PPP2R5C: variants seen among roughly 807,000 people sequenced by gnomAD.
The protein encoded by PPP2R5C is serine/threonine-protein phosphatase 2A 56 kDa regulatory subunit gamma isoform.
In PPP2R5C, 7 loss-of-function variants were observed where a neutral mutation model predicts 68.9. The ratio of observed to expected loss-of-function variants is 0.10; its 90% CI spans 0.06 to 0.19. PPP2R5C has a LOEUF of 0.19. Among genes scored for constraint, PPP2R5C ranks in the 10% least tolerant of loss-of-function variants. The pLI, the probability that PPP2R5C is intolerant of heterozygous loss-of-function variation, is 1.00. For synonymous variants in PPP2R5C, 210 were observed against 222.2 expected, an observed-to-expected ratio of 0.95 and a Z score of 0.49; for missense variants, 348 against 641.3, an observed-to-expected ratio of 0.54 and a Z score of 4.94.
chr14:101,909,460 C>G, intron 10 of PPP2R5C, 129 bp from the exon 13 acceptor site: 1 of 550,944 alleles, frequency 1.8e-6, no homozygotes, highest in Non-Finnish European at 3.3e-6. Flanking sequence ...ATGAGCAGGC[C>G]TTGCATTTTA....
Position 101,823,871 on chromosome 14 carries a change from G to A in PPP2R5C, c.94+13835G>A, listed in dbSNP as rs1469688319. On this transcript the variant is annotated intron_variant, in intron 1 of 13. Transcript: ENST00000334743. ...TTACAGTGGTGTAGAGTGCAGTGCA[G>A]CTGAAACCAGGTTAGTTGATCTTAT... is the stretch of plus-strand genomic sequence containing the variant. The A allele has an allele frequency of 2.4e-6, 3 of 1,248,626 alleles. No individual in the cohort carries two copies. In the African/African-American group the frequency reaches 4.6e-5, roughly 19 times the overall value. The allele number at this position is 1,248,626 out of a possible 1,614,324, so 77.3% of individuals were successfully genotyped here.
chr14:101,827,808 G>A (rs776995226), intron 1 of PPP2R5C, among the ~76,000 whole-genome samples: 2 of 152,146 alleles, frequency 1.3e-5, no homozygotes, highest in African/African-American at 4.8e-5. Context: ...GCGAAAATAA[G>A]GGTGATGTCA....
At chr14:101,800,348 G>C (rs1235482686) in intron 3 of PPP2R5C, among the ~76,000 whole-genome samples, 1 of 152,212 alleles carries the variant, frequency 6.6e-6, no homozygotes, top group East Asian at 1.9e-4. Flanking sequence ...GATCACCTGA[G>C]CTCAGGAGTT....
At chr14:101,922,079 G>A in intron 13 of PPP2R5C, 1 of 984,992 alleles carries the variant, frequency 1.0e-6, no homozygotes, top group Non-Finnish European at 1.2e-6. Context: ...AACGTGTAGA[G>A]CACATTGAAG....
intron 1 of PPP2R5C, among the ~76,000 whole-genome samples, chr14:101,848,256 G>A (rs2041957721): frequency 6.6e-6 from 1 of 152,126 alleles, no homozygotes. Flanking sequence ...TGGGGGGCCG[G>A]GCGTGGTGGC....
chr14:101,836,275 A>G, intron 1 of PPP2R5C: 2 of 702,582 alleles, frequency 2.8e-6, no homozygotes, highest in Non-Finnish European at 5.2e-6. Context: ...CCCATGGAGA[A>G]CCCCGCGGCC....
chr14:101,793,991 T>C (rs2038491448), intron 3 of PPP2R5C, among the ~76,000 whole-genome samples: 1 of 152,184 alleles, frequency 6.6e-6, no homozygotes, highest in Non-Finnish European at 1.5e-5. Flanking sequence ...CAGTTGCTTC[T>C]CTTCTCTCTA....
At chr14:101,761,620 C>A (rs866607289), upstream of PPP2R5C, among the ~76,000 whole-genome samples, 1 of 37,964 alleles carries the variant, frequency 2.6e-5, no homozygotes, top group Non-Finnish European at 5.1e-5. Flanking sequence ...GCGGGGCGGC[C>A]GGCCGGGGGG....
In PPP2R5C at chr14:101,915,669, C is replaced by T. The variant is rs545116520; in HGVS notation, c.1327-2162C>T. Among the ~76,000 whole-genome samples, 2 of 152,324 alleles carry T rather than the reference C, an allele frequency of 1.3e-5. No individual in the cohort carries two copies. The highest frequency in any genetic ancestry group is 2.4e-5 in the African/African-American group (1 of 41,580). ...TCTGTATCTCCCACCTGACTGTGAG[C>T]CCCCTCGAGGAAAGGTGCTGTGTCC... On this transcript the variant is annotated intron_variant, in intron 12 of 13. Coordinates refer to ENST00000334743, the Ensembl canonical transcript of PPP2R5C. The surrounding 1 kb of genome is among the most constrained non-coding windows in gnomAD (Gnocchi z 4.2).
chr14:101,918,481 C>T (rs1486786142), intron 13 of PPP2R5C, among the ~76,000 whole-genome samples: 1 of 53,662 alleles, frequency 1.9e-5, no homozygotes, highest in Non-Finnish European at 3.5e-5. Flanking sequence ...CCTCTGGCCC[C>T]CCACCCCTCC....
intron 1 of PPP2R5C, among the ~76,000 whole-genome samples, chr14:101,811,079 T>A (rs1361692736): frequency 1.3e-5 from 2 of 152,300 alleles, no homozygotes; most frequent in Admixed American, 1.3e-4. Flanking sequence ...GCCAGACTTT[T>A]CAGATCCTAG....
At chr14:101,787,211 C>G (rs1245125953) in intron 3 of PPP2R5C, among the ~76,000 whole-genome samples, 1 of 152,220 alleles carries the variant, frequency 6.6e-6, no homozygotes, top group Non-Finnish European at 1.5e-5. Flanking sequence ...GATCGTGCCA[C>G]TGCACTTCAG....
intron 1 of PPP2R5C, among the ~76,000 whole-genome samples, chr14:101,823,222 A>G (rs2140283683): frequency 6.6e-6 from 1 of 152,328 alleles, no homozygotes. Flanking sequence ...AGCCTTAGCT[A>G]TGGCATCCAT....
chr14:101,776,162 G>A (rs1412263128), intron 2 of PPP2R5C, among the ~76,000 whole-genome samples: 2 of 151,952 alleles, frequency 1.3e-5, no homozygotes, highest in East Asian at 3.9e-4. Flanking sequence ...TTCTACTGAA[G>A]GGAAGGGCCG....
intron 2 of PPP2R5C, among the ~76,000 whole-genome samples, chr14:101,872,997 A>G (rs932795160): frequency 6.7e-6 from 1 of 148,458 alleles, no homozygotes; most frequent in Non-Finnish European, 1.5e-5. Flanking sequence ...CTTTTCTGCC[A>G]TGTCTATTCT....
chr14:101,925,244 A>G (rs2047234869), exon 14 of PPP2R5C: 4 of 1,613,504 alleles, frequency 2.5e-6, no homozygotes, highest in Non-Finnish European at 3.4e-6. Flanking sequence ...TGCAGGGCCG[A>G]TGAGCTGGCC....
chr14:101,917,388 G>A lies in PPP2R5C; in HGVS notation c.1327-443G>A, dbSNP rs924531175. Among the ~76,000 whole-genome samples, 1 of 152,186 alleles carries A rather than the reference G, an allele frequency of 6.6e-6. No individual in the cohort carries two copies. Among genetic ancestry groups the A allele is most frequent in the Non-Finnish European group, 1.5e-5 (1 of 68,018 alleles). ...AACCGTGCCAGCTGTCTCGATGAGA[G>A]GACATGATCGTGAGAGGAAAGGGAA... On this transcript the variant is annotated intron_variant, in intron 12 of 13. Coordinates refer to ENST00000334743, the Ensembl canonical transcript of PPP2R5C. This position sits in a 1 kb window ranked among gnomAD's most constrained non-coding sequence, Gnocchi z 4.4.
chr14:101,909,571 G>T lies in PPP2R5C; in HGVS notation c.1152-18G>T. On this transcript the variant is annotated intron_variant, in intron 10 of 13. Transcript: ENST00000334743. Reference sequence around the variant, plus strand: ...AGGAATGCGTGCTCCCAGGCTCACCGTGCGGTTTTCTTTATAGGACAATAC... The same window carrying T: ...AGGAATGCGTGCTCCCAGGCTCACCTTGCGGTTTTCTTTATAGGACAATAC... 1 of 1,550,666 alleles carries T rather than the reference G, an allele frequency of 6.4e-7. No homozygotes were observed. Among genetic ancestry groups the T allele is most frequent in the Non-Finnish European group, 8.9e-7 (1 of 1,123,900 alleles).
intron 2 of PPP2R5C, among the ~76,000 whole-genome samples, chr14:101,868,139 G>A (rs1336771526): frequency 6.6e-6 from 1 of 152,180 alleles, no homozygotes; most frequent in Non-Finnish European, 1.5e-5. Context: ...GTTTGGGAGA[G>A]GAAAGAATGT....
Sources: gnomAD v4.1 joint callset for allele counts (sites outside exome capture counted in the v4.1 genomes callset) on GRCh38, gnomAD v4.1.1 for gene constraint, Gnocchi (gnomAD v3.1) non-coding constraint, MANE v1.5 for transcripts, NCBI Gene and HGNC (gene_info 2026-07-23, HGNC 2026-07-21) for gene names.